AGPAT3: variants seen among roughly 807,000 people sequenced by gnomAD.
The protein encoded by AGPAT3 is 1-acylglycerol-3-phosphate O-acyltransferase 3.
A neutral mutation model predicts 47.3 loss-of-function variants in AGPAT3; 5 were observed. The observed-to-expected ratio is 0.11, with a 90% CI of 0.06 to 0.22. The LOEUF (loss-of-function observed/expected upper bound fraction) is 0.22. Ranked by LOEUF, AGPAT3 falls within the 10% of genes least tolerant of loss-of-function variation. AGPAT3 has a pLI of 1.00. For missense variants in AGPAT3, 315 were observed against 493.0 expected (o/e 0.64, Z 3.42); for synonymous variants, 212 against 208.3 (o/e 1.02, Z -0.15).
chr21:43,965,603 G>C (rs2089080081), intron 3 of AGPAT3: 1 of 142,844 alleles, frequency 7.0e-6, no homozygotes, highest in Non-Finnish European at 1.5e-5. Flanking sequence ...GTGAATTTTA[G>C]GTTTTTTTTG....
intron 3 of AGPAT3, among the ~76,000 whole-genome samples, chr21:43,961,858 C>T (rs1008922837): frequency 6.6e-6 from 1 of 152,150 alleles, no homozygotes; most frequent in African/African-American, 2.4e-5. Flanking sequence ...GTTCAGGAGC[C>T]GGTAGCACTG....
chr21:43,873,991 T>C (rs1292032277), intron 1 of AGPAT3, among the ~76,000 whole-genome samples: 1 of 152,188 alleles, frequency 6.6e-6, no homozygotes, highest in Non-Finnish European at 1.5e-5. Context: ...TCTTTTCTAT[T>C]TTCTCTAAGC....
chr21:43,923,280 C>T (rs1243469067), intron 2 of AGPAT3, among the ~76,000 whole-genome samples: 1 of 152,196 alleles, frequency 6.6e-6, no homozygotes, highest in Non-Finnish European at 1.5e-5. Context: ...GATTCATGCA[C>T]TCGGGGACCG....
chr21:43,914,193 T>G (rs964364965), intron 2 of AGPAT3, among the ~76,000 whole-genome samples: 6 of 152,166 alleles, frequency 3.9e-5, no homozygotes, highest in Non-Finnish European at 1.5e-5. Flanking sequence ...GGAACCCCCC[T>G]GCCTGCGAGG....
rs1431346915 is a variant in AGPAT3, at chr21:43,933,240, G to GTTTGCTTTCTTGCTA, written c.-48-26391_-48-26377dup. Among the ~76,000 whole-genome samples the GTTTGCTTTCTTGCTA allele has an allele frequency of 5.3e-5, 8 of 152,122 alleles. No homozygotes were observed. The highest frequency in any genetic ancestry group is 1.9e-4 in the African/African-American group (8 of 41,420). On this transcript the variant is annotated intron_variant, in intron 2 of 9. Transcript: ENST00000291572. This position sits in a 1 kb window ranked among gnomAD's most constrained non-coding sequence, Gnocchi z 6.0. ...GGCACAGCCGTTCGGGTCCTTTGCT[G>GTTTGCTTTCTTGCTA]TTTGCTTTCTTGCTATTGAGTCTGA...
chr21:43,911,221 TA>T (rs2086625518), intron 2 of AGPAT3, among the ~76,000 whole-genome samples: 1 of 152,268 alleles, frequency 6.6e-6, no homozygotes, highest in South Asian at 2.1e-4. Flanking sequence ...CTTCCTCTTT[TA>T]TGCATGTTCT....
intron 8 of AGPAT3, among the ~76,000 whole-genome samples, 190 bp from the exon 9 acceptor site, chr21:43,980,799 C>T (rs564861875): frequency 3.2e-4 from 49 of 152,286 alleles, no homozygotes; most frequent in African/African-American, 1.0e-3. Context: ...TCTCGATGCA[C>T]GCTATCAGAT....
chr21:43,895,086 C>T (rs963916789), intron 1 of AGPAT3, among the ~76,000 whole-genome samples: 4 of 151,388 alleles, frequency 2.6e-5, no homozygotes, highest in African/African-American at 4.9e-5. Flanking sequence ...CATTTGTTTT[C>T]GGCATTTTAT....
Position 43,981,136 on chromosome 21 carries a change from G to A in AGPAT3, c.991G>A (p.Ala331Thr). ...PLFSFVLGVF[A>T]SGSPLLILTF... ...CTTCAGTTTTGTCTTGGGCGTCTTT[G>A]CCAGCGGATCACCTCTCCTGATCCT... Residue 331 changes from alanine (A) to threonine (T), a missense_variant, in exon 9 of 10, where the codon GCC becomes ACC. Physicochemically the swap from Ala to Thr is moderately conservative, Grantham distance 58. Coordinates refer to ENST00000291572, the MANE Select transcript of AGPAT3 (RefSeq NM_020132.5). This position sits in a 1 kb window ranked among gnomAD's most constrained non-coding sequence, Gnocchi z 5.3. 6.2e-7 allele frequency: 1 copy of A among 1,614,176 alleles called. No individual in the cohort carries two copies. Among genetic ancestry groups the A allele is most frequent in the Non-Finnish European group, 8.5e-7 (1 of 1,180,034 alleles).
intron 7 of AGPAT3, among the ~76,000 whole-genome samples, chr21:43,971,756 T>C (rs146307268): frequency 6.6e-6 from 1 of 152,294 alleles, no homozygotes; most frequent in African/African-American, 2.4e-5. Context: ...TTGCCCACGG[T>C]GTGTTTCATT....
At chr21:43,866,584 C>G (rs1189807656) in intron 1 of AGPAT3, 1 of 152,306 alleles carries the variant, frequency 6.6e-6, no homozygotes, top group Non-Finnish European at 1.5e-5. Flanking sequence ...CCCCCCCTCC[C>G]TCTTTCCAAC....
chr21:43,938,997 C>T (rs372857518), intron 2 of AGPAT3, among the ~76,000 whole-genome samples: 318 of 152,332 alleles, frequency 2.1e-3, no homozygotes, highest in African/African-American at 7.3e-3. Context: ...CATGTCAGGA[C>T]TGAGCTGAGC....
chr21:43,977,589 A>T (rs535281369), intron 7 of AGPAT3, among the ~76,000 whole-genome samples: 1 of 152,328 alleles, frequency 6.6e-6, no homozygotes, highest in South Asian at 2.1e-4. Context: ...AGAAATTGAG[A>T]GTGAGAGGCT....
At position 43,970,410 on chromosome 21, in the gene AGPAT3, T is replaced by C. The variant is rs2089344950; in HGVS notation, c.511-243T>C. On this transcript the variant is annotated intron_variant, in intron 5 of 9. Transcript: ENST00000291572. This position sits in a 1 kb window ranked among gnomAD's most constrained non-coding sequence, Gnocchi z 5.8. ...CCAACACACCTTCATGTTTCACTTC[T>C]TTCTGGAAAGTTCTTTCTGGAGAGC... Among the ~76,000 whole-genome samples, 1 of 152,260 alleles carries C rather than the reference T, an allele frequency of 6.6e-6. No individual in the cohort carries two copies. The highest frequency in any genetic ancestry group is 2.1e-4 in the South Asian group (1 of 4,836).
chr21:43,879,473 C>T (rs188375598), intron 1 of AGPAT3, among the ~76,000 whole-genome samples: 4 of 151,402 alleles, frequency 2.6e-5, no homozygotes, highest in East Asian at 1.9e-4. Context: ...GAAAAGGGAC[C>T]GCGGGTGTCT....
intron 2 of AGPAT3, among the ~76,000 whole-genome samples, chr21:43,929,410 A>AC (rs2087166971): frequency 6.6e-6 from 1 of 152,226 alleles, no homozygotes; most frequent in East Asian, 1.9e-4. Flanking sequence ...AGCCTCTGCC[A>AC]CCACGGCCCG....
chr21:43,959,691 C>A lies in AGPAT3; in HGVS notation c.10C>A (p.Leu4Met), dbSNP rs1165056438. ...GCTCCTGAGCAGCGCCATGGGCCTG[C>A]TGGCCTTCCTGAAGACCCAGTTCGT... MGL[L>M]AFLKTQFVLH... The change falls in exon 3 of 10, where the codon CTG (leucine) becomes ATG (methionine). Residue 4 changes from leucine to methionine, a missense_variant. By Grantham distance (15) the Leu-to-Met change is conservative. Coordinates refer to ENST00000291572, the MANE Select transcript of AGPAT3 (RefSeq NM_020132.5). The A allele has an allele frequency of 6.2e-7, 1 of 1,613,214 alleles. No individual in the cohort carries two copies. Among genetic ancestry groups the A allele is most frequent in the South Asian group, 1.1e-5 (1 of 91,086 alleles).
At position 43,933,231 on chromosome 21, in the gene AGPAT3, T is replaced by C. The variant is rs1601344659; in HGVS notation, c.-48-26403T>C. On this transcript the variant is annotated intron_variant, in intron 2 of 9. Transcript: ENST00000291572. The surrounding 1 kb of genome is among the most constrained non-coding windows in gnomAD (Gnocchi z 6.0). ...TCCTTCTGAGGCACAGCCGTTCGGGTCCTTTGCTGTTTGCTTTCTTGCTAT... is the reference window on the plus strand; with the variant it reads ...TCCTTCTGAGGCACAGCCGTTCGGGCCCTTTGCTGTTTGCTTTCTTGCTAT... 6.6e-6 allele frequency among the ~76,000 whole-genome samples: 1 copy of C among 151,980 alleles called. No homozygotes were observed. Among genetic ancestry groups the C allele is most frequent in the Admixed American group, 6.6e-5 (1 of 15,262 alleles).
At chr21:43,957,485 G>A (rs2088530524) in intron 2 of AGPAT3, among the ~76,000 whole-genome samples, 1 of 147,502 alleles carries the variant, frequency 6.8e-6, no homozygotes, top group African/African-American at 2.5e-5. Flanking sequence ...CACACGGGGG[G>A]TCTCGGGTTT....
Sources: gnomAD v4.1 joint callset for allele counts (sites outside exome capture counted in the v4.1 genomes callset) on GRCh38, gnomAD v4.1.1 for gene constraint, Gnocchi (gnomAD v3.1) non-coding constraint, MANE v1.5 for transcripts, NCBI Gene and HGNC (gene_info 2026-07-23, HGNC 2026-07-21) for gene names.